The following CDK5RAP2 variants were observed in gnomAD, a reference collection of about 807,000 sequenced individuals.
CDK5RAP2 encodes the protein CDK5 regulatory subunit-associated protein 2.
CDK5RAP2 carries 147 observed loss-of-function variants against 232.9 expected under a neutral mutation model. That is an observed-to-expected ratio of 0.63 (90% CI 0.55 to 0.72). CDK5RAP2 has a LOEUF of 0.72. Among genes scored for constraint, CDK5RAP2 ranks in the 30% least tolerant of loss-of-function variants. The pLI is 0.00. For synonymous variants in CDK5RAP2, 833 were observed against 833.7 expected (o/e 1.00, Z 0.01); for missense variants, 2,195 against 2,231.5 (o/e 0.98, Z 0.33).
chr9:120,507,218 T>C (rs558871692), intron 12 of CDK5RAP2, among the ~76,000 whole-genome samples: 1 of 152,264 alleles, frequency 6.6e-6, no homozygotes, highest in South Asian at 2.1e-4. Context: ...GCACACATAA[T>C]AGGCCACAGT....
At chr9:120,444,339 C>A (rs1363530345) in intron 22 of CDK5RAP2, among the ~76,000 whole-genome samples, 1 of 152,204 alleles carries the variant, frequency 6.6e-6, no homozygotes, top group African/African-American at 2.4e-5. Flanking sequence ...GTTACCTTTG[C>A]CATAAAATCT....
At chr9:120,440,446 C>T (rs2035835405) in intron 23 of CDK5RAP2, 1 of 194,838 alleles carries the variant, frequency 5.1e-6, no homozygotes, top group Non-Finnish European at 1.1e-5. Flanking sequence ...CTGCCTGGAA[C>T]ACCTTCAGCC....
Position 120,454,563 on chromosome 9 carries a change from C to G in CDK5RAP2, c.2376-690G>C, listed in dbSNP as rs533629683. 5.8e-4 allele frequency among the ~76,000 whole-genome samples: 88 copies of G among 152,292 alleles called. No homozygotes were observed. In the South Asian group the frequency reaches 0.01, roughly 18 times the overall value. On this transcript the variant is annotated intron_variant, in intron 20 of 37. Transcript: ENST00000349780. The stretch of plus-strand genomic sequence containing the variant: ...TGCTTTTCATGTCCTTGCCACATAC[C>G]CTTGGCCCACCTCTGACTTCAGCTG...
Position 120,520,955 on chromosome 9 carries a change from T to A in CDK5RAP2, c.1093-2310A>T, listed in dbSNP as rs374186943. Among the ~76,000 whole-genome samples the A allele has an allele frequency of 2.7e-4, 41 of 152,246 alleles. 1 individual carries two copies. Among genetic ancestry groups the A allele is most frequent in the East Asian group, 2.5e-3 (13 of 5,172 alleles). ...CATATATCATATATCTCATATGAGC[T>A]GTATCTCATGTATCATATGAGATAT... On this transcript the variant is annotated intron_variant, in intron 11 of 37. Transcript: ENST00000349780.
At chr9:120,396,689 CA>C (rs1367606969) in intron 35 of CDK5RAP2, among the ~76,000 whole-genome samples, 1 of 152,184 alleles carries the variant, frequency 6.6e-6, no homozygotes, top group Non-Finnish European at 1.5e-5. Context: ...GTGTCTGGCG[CA>C]GAGTAGGTGC....
rs755590012 is a variant in CDK5RAP2 at position 120,530,144 on chromosome 9, A to G, written c.663-4T>C. ...CAGCTTCAACTCCTCAATCAGTCTA[A>G]AAGAGAACAAAATTTAAATATTAAT... On this transcript the variant is annotated splice_region_variant and splice_polypyrimidine_tract_variant and intron_variant, in intron 7 of 37. Coordinates refer to ENST00000349780, the MANE Select transcript of CDK5RAP2 (RefSeq NM_018249.6). The G allele has an allele frequency of 6.2e-6, 10 of 1,610,280 alleles. No individual in the cohort carries two copies. In the South Asian group the frequency reaches 8.8e-5, roughly 14 times the overall value.
At chr9:120,472,626 G>C (rs78821344) in intron 15 of CDK5RAP2, among the ~76,000 whole-genome samples, 1 of 152,188 alleles carries the variant, frequency 6.6e-6, no homozygotes, top group African/African-American at 2.4e-5. Context: ...TGTGGTGGGT[G>C]AACCACTCAG....
chr9:120,497,932 G>A (rs1241970562), intron 12 of CDK5RAP2, among the ~76,000 whole-genome samples: 1 of 152,168 alleles, frequency 6.6e-6, no homozygotes, highest in Non-Finnish European at 1.5e-5. Flanking sequence ...AACCCCTCGT[G>A]GCTTGGATAG....
intron 12 of CDK5RAP2, among the ~76,000 whole-genome samples, chr9:120,515,391 G>A (rs981222058): frequency 6.6e-6 from 1 of 152,144 alleles, no homozygotes; most frequent in South Asian, 2.1e-4. Flanking sequence ...TTGAGTACAG[G>A]TTATATTAAT....
At position 120,403,181 on chromosome 9, in the gene CDK5RAP2, A is replaced by G; in HGVS notation, c.5042-110T>C. The G allele has an allele frequency of 9.2e-7, 1 of 1,087,678 alleles. No individual in the cohort carries two copies. The highest frequency in any genetic ancestry group is 1.4e-6 in the Non-Finnish European group (1 of 725,122). 67.4% of individuals were successfully genotyped at this position (1,087,678 alleles called of 1,614,324 possible). A position where few individuals can be genotyped will look rare whatever the true frequency, so the allele number is the denominator to read the frequency against. On this transcript the variant is annotated intron_variant, in intron 33 of 37. Coordinates refer to ENST00000349780, the MANE Select transcript of CDK5RAP2 (RefSeq NM_018249.6). This position sits in a 1 kb window ranked among gnomAD's most constrained non-coding sequence, Gnocchi z 4.2. Reference sequence around the variant, plus strand: ...GGGCTAGAAGAGGCCCTCGTGCCCAAATGCCACCCAACACAAGCCCAGAGG... The same window carrying G: ...GGGCTAGAAGAGGCCCTCGTGCCCAGATGCCACCCAACACAAGCCCAGAGG...
chr9:120,436,354 C>A (rs748256738), intron 25 of CDK5RAP2, among the ~76,000 whole-genome samples: 2 of 152,140 alleles, frequency 1.3e-5, no homozygotes, highest in Non-Finnish European at 2.9e-5. Flanking sequence ...GGGTGAGGAA[C>A]TACTCCGGAT....
At chr9:120,567,923 T>A (rs190408944) in intron 3 of CDK5RAP2, among the ~76,000 whole-genome samples, 13 of 152,308 alleles carry the variant, frequency 8.5e-5, no homozygotes, top group Non-Finnish European at 1.9e-4. Context: ...ATCTCAAAGG[T>A]TGCAGTGAGC....
intron 25 of CDK5RAP2, among the ~76,000 whole-genome samples, chr9:120,427,966 T>G (rs913216474): frequency 1.3e-4 from 20 of 151,976 alleles, no homozygotes; most frequent in African/African-American, 4.8e-4. Context: ...TCAAAACCGC[T>G]CAACTACATG....
In CDK5RAP2 at chr9:120,568,211, C is replaced by T. The variant is rs1588674580; in HGVS notation, c.195+110G>A. 4 of 852,348 alleles carry T rather than the reference C, an allele frequency of 4.7e-6. No individual in the cohort carries two copies. In the East Asian group the frequency reaches 9.7e-5, roughly 21 times the overall value. 52.8% of individuals were successfully genotyped at this position (852,348 alleles called of 1,614,324 possible). ...TCCATGAGACATGGCACCCCCCTGC[C>T]TCTGGCATCACCGAACTTAGATCTC... On this transcript the variant is annotated intron_variant, in intron 3 of 37. Transcript: ENST00000349780.
At chr9:120,402,380 T>C (rs1022792978) in intron 34 of CDK5RAP2, among the ~76,000 whole-genome samples, 2 of 152,180 alleles carry the variant, frequency 1.3e-5, no homozygotes, top group Non-Finnish European at 2.9e-5. Flanking sequence ...AGAGATAGAA[T>C]TGTTTTGCAA....
At chr9:120,447,803 A>G in intron 22 of CDK5RAP2, 92 bp downstream of exon 22, 1 of 924,120 alleles carries the variant, frequency 1.1e-6, no homozygotes. Context: ...ACTCAAACTT[A>G]TTGCAATTCT....
chr9:120,556,915 A>T (rs1172331460), intron 3 of CDK5RAP2, among the ~76,000 whole-genome samples: 1 of 152,198 alleles, frequency 6.6e-6, no homozygotes, highest in Non-Finnish European at 1.5e-5. Context: ...ACAGCACATA[A>T]AACATTCATT....
chr9:120,422,834 A>G (rs1315984283), intron 25 of CDK5RAP2, 93 bp from the exon 26 acceptor site: 4 of 903,626 alleles, frequency 4.4e-6, no homozygotes, highest in Non-Finnish European at 7.3e-6. Flanking sequence ...CAGAAGCACT[A>G]TTCCACTTGT....
In CDK5RAP2 at chr9:120,453,555, C is replaced by A. The variant is rs781233285; in HGVS notation, c.2694G>T (p.Pro898=). The change falls in exon 21 of 38, where the codon CCG becomes CCT. Residue 898 remains proline, a synonymous_variant. Transcript: ENST00000349780. ...EATREAWEEK[P]INTALSAEHR... Reference sequence around the variant, plus strand: ...GCTCTGCGCTGAGTGCAGTGTTGATCGGTTTCTCTTCCCAAGCCTCTCTTG... The same window carrying A: ...GCTCTGCGCTGAGTGCAGTGTTGATAGGTTTCTCTTCCCAAGCCTCTCTTG... The A allele has an allele frequency of 6.2e-7, 1 of 1,614,122 alleles. No homozygotes were observed. Among genetic ancestry groups the A allele is most frequent in the South Asian group, 1.1e-5 (1 of 91,074 alleles).
Sources: gnomAD v4.1 joint callset for allele counts (sites outside exome capture counted in the v4.1 genomes callset) on GRCh38, gnomAD v4.1.1 for gene constraint, Gnocchi (gnomAD v3.1) non-coding constraint, MANE v1.5 for transcripts, NCBI Gene and HGNC (gene_info 2026-07-23, HGNC 2026-07-21) for gene names.